LRTM1: variants seen among roughly 807,000 people sequenced by gnomAD.
LRTM1 encodes leucine rich repeat transmembrane protein 1.
In LRTM1, 38 loss-of-function variants were observed where a neutral mutation model predicts 32.4. The observed-to-expected ratio is 1.17, with a 90% CI of 0.91 to 1.54. The LOEUF (loss-of-function observed/expected upper bound fraction) is 1.54, where lower values mean the gene tolerates loss of function less well. LRTM1 is among the 40% of genes most tolerant of loss of function. The pLI, the probability that LRTM1 is intolerant of heterozygous loss-of-function variation, is 0.00. For synonymous variants in LRTM1, 186 were observed against 169.9 expected, an observed-to-expected ratio of 1.09 and a Z score of -0.74; for missense variants, 466 against 415.4, an observed-to-expected ratio of 1.12 and a Z score of -1.06.
chr3:54,949,732 G>C (rs1701708162), intron 1 of LRTM1, among the ~76,000 whole-genome samples: 1 of 152,174 alleles, frequency 6.6e-6, no homozygotes, highest in Non-Finnish European at 1.5e-5. Flanking sequence ...TTTTGCAGGG[G>C]CACACTCCAC....
At chr3:54,961,371 C>G (rs973913774) in intron 1 of LRTM1, among the ~76,000 whole-genome samples, 1 of 152,174 alleles carries the variant, frequency 6.6e-6, no homozygotes, top group Non-Finnish European at 1.5e-5. Context: ...GGAAAAGTCA[C>G]TCTACTCCTA....
At chr3:54,933,375 A>G (rs559542625) in intron 1 of LRTM1, among the ~76,000 whole-genome samples, 2 of 152,294 alleles carry the variant, frequency 1.3e-5, no homozygotes, top group South Asian at 4.2e-4. Flanking sequence ...CCTGGGCTCC[A>G]TGGTGTCATT....
intron 1 of LRTM1, among the ~76,000 whole-genome samples, chr3:54,941,502 A>G (rs893518632): frequency 2.0e-5 from 3 of 152,072 alleles, no homozygotes; most frequent in African/African-American, 4.8e-5. Context: ...TTCATTGTTC[A>G]TCGTTTTTAT....
At chr3:54,925,302 G>T in intron 1 of LRTM1, 87 bp from the exon 2 acceptor site, 1 of 1,105,000 alleles carries the variant, frequency 9.0e-7, no homozygotes, top group Non-Finnish European at 1.3e-6. Context: ...TACAGGTAAT[G>T]TGCTTTCCAG....
chr3:54,955,820 A>G (rs1404116934), intron 1 of LRTM1, among the ~76,000 whole-genome samples: 1 of 152,060 alleles, frequency 6.6e-6, no homozygotes, highest in Non-Finnish European at 1.5e-5. Context: ...CTCACAGCCC[A>G]CCCTCAGGAG....
At chr3:54,938,455 C>G (rs1401499366) in intron 1 of LRTM1, among the ~76,000 whole-genome samples, 1 of 152,184 alleles carries the variant, frequency 6.6e-6, no homozygotes, top group African/African-American at 2.4e-5. Context: ...TGGCACCATG[C>G]TAACATAATC....
intron 1 of LRTM1, among the ~76,000 whole-genome samples, chr3:54,965,842 T>A (rs1295100379): frequency 1.3e-5 from 2 of 152,048 alleles, no homozygotes; most frequent in Non-Finnish European, 2.9e-5. Context: ...AACCTCATGG[T>A]GCAGGCAGGG....
In LRTM1 at chr3:54,925,168, A is replaced by G. The variant is rs765521466; in HGVS notation, c.55T>C (p.Cys19Arg). Residue 19 changes from cysteine to arginine, a missense_variant, in exon 2 of 3, where the codon TGC becomes CGC. Cys to Arg is a radical substitution (Grantham distance 180). Transcript: ENST00000273286. ...CAGTAACACTTGTCCGGGCAGCTGCATACCACCTGGAGCAGGACAATCACA... is the reference window on the plus strand; with the variant it reads ...CAGTAACACTTGTCCGGGCAGCTGCGTACCACCTGGAGCAGGACAATCACA... The part of the protein sequence containing the change: ...SSVIVLLQVV[C>R]SCPDKCYCQS... 3 of 1,614,124 alleles carry G rather than the reference A, an allele frequency of 1.9e-6. No individual in the cohort carries two copies. The highest frequency in any genetic ancestry group is 3.3e-5 in the Admixed American group (2 of 60,018).
chr3:54,933,000 T>C (rs1701230653), upstream of LRTM1, among the ~76,000 whole-genome samples: 1 of 152,064 alleles, frequency 6.6e-6, no homozygotes, highest in Non-Finnish European at 1.5e-5. Flanking sequence ...GTACACAGTT[T>C]ATACAGAGCT....
intron 1 of LRTM1, among the ~76,000 whole-genome samples, chr3:54,933,542 ATGT>A (rs1701258955): frequency 6.6e-6 from 1 of 152,330 alleles, no homozygotes; most frequent in Non-Finnish European, 1.5e-5. Context: ...ATGCTGGGAA[ATGT>A]TGTCTAGCAG....
intron 1 of LRTM1, among the ~76,000 whole-genome samples, chr3:54,941,834 T>C (rs1035467651): frequency 1.3e-5 from 2 of 152,140 alleles, no homozygotes; most frequent in Non-Finnish European, 2.9e-5. Flanking sequence ...GGGACATGCA[T>C]TGGCCTCCTC....
upstream of LRTM1, among the ~76,000 whole-genome samples, chr3:54,930,030 A>T (rs1378241852): frequency 6.6e-6 from 1 of 152,244 alleles, no homozygotes; most frequent in African/African-American, 2.4e-5. Context: ...CTTAAGAGCC[A>T]TCAGTCTCCA....
intron 1 of LRTM1, among the ~76,000 whole-genome samples, chr3:54,945,445 C>G (rs753279937): frequency 2.0e-5 from 3 of 152,218 alleles, no homozygotes; most frequent in Non-Finnish European, 4.4e-5. Flanking sequence ...AGGCATGTAT[C>G]TCTTTTTCCC....
intron 2 of LRTM1, among the ~76,000 whole-genome samples, chr3:54,923,329 A>C (rs889476057): frequency 1.4e-4 from 21 of 151,920 alleles, no homozygotes; most frequent in African/African-American, 4.8e-4. Flanking sequence ...TCCTGCAGCC[A>C]AGCCAAGTTT....
upstream of LRTM1, among the ~76,000 whole-genome samples, chr3:54,928,551 G>A (rs1701094964): frequency 6.6e-6 from 1 of 152,170 alleles, no homozygotes; most frequent in South Asian, 2.1e-4. Flanking sequence ...GTCTTATTCA[G>A]CCAACATCTG....
At chr3:54,948,005 G>A (rs892409872) in intron 1 of LRTM1, among the ~76,000 whole-genome samples, 12 of 152,204 alleles carry the variant, frequency 7.9e-5, no homozygotes, top group African/African-American at 2.9e-4. Flanking sequence ...AGATGGGGGA[G>A]ATTCCAGGAA....
In LRTM1 at chr3:54,924,628, C is replaced by G; in HGVS notation, c.595G>C (p.Val199Leu). ...AATAGACATGACTGACCTTTATAGA[C>G]AAATTTCTCCAGCCAGAGTTTAAGA... ...LGLKLWLEKF[V>L]YKGGLTDGII... is the part of the protein sequence containing the mutation. Residue 199 changes from valine (V) to leucine (L), a missense_variant, in exon 2 of 3, where the codon GTC becomes CTC. Val to Leu is a conservative substitution (Grantham distance 32). Transcript: ENST00000273286. 1 of 1,613,508 alleles carries G rather than the reference C, an allele frequency of 6.2e-7. No individual in the cohort carries two copies. Among genetic ancestry groups the G allele is most frequent in the South Asian group, 1.1e-5 (1 of 91,060 alleles).
At chr3:54,943,141 A>G (rs1310472310) in intron 1 of LRTM1, among the ~76,000 whole-genome samples, 2 of 151,872 alleles carry the variant, frequency 1.3e-5, no homozygotes, top group Non-Finnish European at 2.9e-5. Flanking sequence ...GTTCGAGGCT[A>G]CAGTGGACTA....
At chr3:54,942,306 A>G (rs1265386517) in intron 1 of LRTM1, among the ~76,000 whole-genome samples, 2 of 151,944 alleles carry the variant, frequency 1.3e-5, no homozygotes, top group Admixed American at 6.6e-5. Flanking sequence ...AAAGATTCAG[A>G]CTCTGGCCCA....
Sources: gnomAD v4.1 joint callset for allele counts (sites outside exome capture counted in the v4.1 genomes callset) on GRCh38, gnomAD v4.1.1 for gene constraint, MANE v1.5 for transcripts, NCBI Gene and HGNC (gene_info 2026-07-23, HGNC 2026-07-21) for gene names.